UNC13A: variants seen among roughly 807,000 people sequenced by gnomAD.
UNC13A encodes unc-13 homolog A.
UNC13A carries 61 observed loss-of-function variants against 219.7 expected under a neutral mutation model. The observed-to-expected ratio is 0.28, with a 90% CI of 0.23 to 0.34. The LOEUF (loss-of-function observed/expected upper bound fraction) is 0.34. UNC13A is among the 10% of genes least tolerant of loss of function. The pLI is 1.00. For synonymous variants in UNC13A, 920 were observed against 884.6 expected, an observed-to-expected ratio of 1.04 and a Z score of -0.71; for missense variants, 1,476 against 2,270.3, an observed-to-expected ratio of 0.65 and a Z score of 7.11.
chr19:17,680,134 G>A (rs2145925742), intron 1 of UNC13A, among the ~76,000 whole-genome samples: 1 of 150,324 alleles, frequency 6.7e-6, no homozygotes, highest in Non-Finnish European at 1.5e-5. Context: ...GGGGATTCGG[G>A]AAGGGGGATG....
intron 1 of UNC13A, among the ~76,000 whole-genome samples, chr19:17,687,340 G>T (rs1030439135): frequency 6.6e-6 from 1 of 152,088 alleles, no homozygotes; most frequent in African/African-American, 2.4e-5. Flanking sequence ...CCTCTCTCCA[G>T]TGCAAAGTGG....
At chr19:17,669,409 C>T in intron 5 of UNC13A, 144 bp downstream of exon 5, 2 of 1,234,162 alleles carry the variant, frequency 1.6e-6, no homozygotes, top group Non-Finnish European at 1.1e-6. Flanking sequence ...CCAAGAAACT[C>T]TCTCTCCTCC....
Position 17,639,178 on chromosome 19 carries a change from C to T in UNC13A, c.2986G>A (p.Val996Ile). Residue 996 changes from valine (V) to isoleucine (I), a missense_variant, in exon 25 of 44, where the codon GTA becomes ATA. This residue lies in a region of UNC13A where 140 missense variants were observed against 270.9 expected (regional missense o/e 0.52). Coordinates refer to ENST00000519716, the MANE Select transcript of UNC13A (RefSeq NM_001080421.3). ...AGGCAGGCTTTCACACAGTCCTTTA[C>T]CACCTGGCTGGCTCGGGGCGGGCTC... ...LQSPPRASQV[V>I]KDCVKACLNS... is the part of the protein sequence containing the mutation. 1 of 1,614,016 alleles carries T rather than the reference C, an allele frequency of 6.2e-7. No individual in the cohort carries two copies. Among genetic ancestry groups the T allele is most frequent in the Non-Finnish European group, 8.5e-7 (1 of 1,179,938 alleles).
intron 8 of UNC13A, among the ~76,000 whole-genome samples, chr19:17,659,532 CCAAGG>C (rs1273356749): frequency 6.6e-6 from 1 of 152,082 alleles, no homozygotes; most frequent in Non-Finnish European, 1.5e-5. Context: ...CTTTGGGAGG[CCAAGG>C]CAGGAGGATC....
chr19:17,652,728 C>T, intron 11 of UNC13A, 51 bp from the exon 12 acceptor site: 1 of 1,609,258 alleles, frequency 6.2e-7, no homozygotes, highest in Non-Finnish European at 8.5e-7. Flanking sequence ...CTCCCCTCCC[C>T]AGAGCAGGCT....
At position 17,674,157 on chromosome 19, in the gene UNC13A, A is replaced by G. The variant is rs1019044789; in HGVS notation, c.152+500T>C. Among the ~76,000 whole-genome samples the G allele has an allele frequency of 6.6e-6, 1 of 151,504 alleles. No individual in the cohort carries two copies. Among genetic ancestry groups the G allele is most frequent in the Non-Finnish European group, 1.5e-5 (1 of 67,918 alleles). ...CCTGAAGGAGAAGAGCCAGCTGGGG[A>G]CAGGAGAGCAAGTGCAAGGGCCCTG... On this transcript the variant is annotated intron_variant, in intron 3 of 43. Coordinates refer to ENST00000519716, the MANE Select transcript of UNC13A (RefSeq NM_001080421.3). The surrounding 1 kb of genome is among the most constrained non-coding windows in gnomAD (Gnocchi z 5.0).
chr19:17,649,585 G>A lies in UNC13A; in HGVS notation c.1442C>T (p.Pro481Leu), dbSNP rs1403132574. 6.2e-7 allele frequency: 1 copy of A among 1,613,720 alleles called. No individual in the cohort carries two copies. Among genetic ancestry groups the A allele is most frequent in the African/African-American group, 1.3e-5 (1 of 74,880 alleles). Residue 481 changes from proline (P) to leucine (L), a missense_variant and splice_region_variant, in exon 13 of 44, where the codon CCA (proline) becomes CTA (leucine). Physicochemically the swap from Pro to Leu is moderately conservative, Grantham distance 98. Coordinates refer to ENST00000519716, the MANE Select transcript of UNC13A (RefSeq NM_001080421.3). This position sits in a 1 kb window ranked among gnomAD's most constrained non-coding sequence, Gnocchi z 4.4. ...GTCGATGATGATGAGACCGCCCCCT[G>A]GGCTGAAAGACACAGAGGGACACTG... ...MSKSLWFKGG[P>L]GGGLIIIDSM...
intron 41 of UNC13A, among the ~76,000 whole-genome samples, chr19:17,616,990 A>T (rs966662287): frequency 2.0e-5 from 3 of 152,130 alleles, no homozygotes; most frequent in Non-Finnish European, 4.4e-5. Context: ...GAAGCAAAAT[A>T]CAGAGAGAAA....
chr19:17,607,875 ACT>A (rs1491117907), intron 43 of UNC13A, among the ~76,000 whole-genome samples: 1 of 106,664 alleles, frequency 9.4e-6, no homozygotes, highest in Non-Finnish European at 1.9e-5. Context: ...CCGTGAACAG[ACT>A]TTTTTTTTTT....
At chr19:17,677,861 G>A (rs576622113) in intron 1 of UNC13A, among the ~76,000 whole-genome samples, 1 of 152,180 alleles carries the variant, frequency 6.6e-6, no homozygotes, top group Non-Finnish European at 1.5e-5. Flanking sequence ...TGTTCCACTG[G>A]AGATGGTCCA....
chr19:17,606,943 C>T (rs1281885036), intron 43 of UNC13A, among the ~76,000 whole-genome samples: 2 of 152,160 alleles, frequency 1.3e-5, no homozygotes, highest in African/African-American at 4.8e-5. Context: ...GTGACCTGCC[C>T]TGACGCCAGC....
chr19:17,644,397 C>A (rs772222602), intron 19 of UNC13A, among the ~76,000 whole-genome samples: 110 of 151,974 alleles, frequency 7.2e-4, no homozygotes, highest in Admixed American at 2.0e-3. Context: ...TTATGTTGCC[C>A]AGGCTGGTCT....
Position 17,658,204 on chromosome 19 carries a change from T to A in UNC13A, c.625A>T (p.Ile209Phe), listed in dbSNP as rs1170186106. Residue 209 changes from isoleucine (I) to phenylalanine (F), a missense_variant, in exon 9 of 44, where the codon ATC (isoleucine) becomes TTC (phenylalanine). Ile to Phe is a conservative substitution (Grantham distance 21, BLOSUM62 0). This residue lies in a region of UNC13A where 203 missense variants were observed against 301.6 expected (regional missense o/e 0.67). Transcript: ENST00000519716. The stretch of plus-strand genomic sequence containing the variant: ...GACGTAGTATAATAGGGCGGCGGGA[T>A]GCTGTTGCTCGTTTCACTGCGGTAG... The part of the protein sequence containing the change: ...SDYRSETSNS[I>F]PPPYYTTSQP... 6.2e-7 allele frequency: 1 copy of A among 1,613,818 alleles called. No individual in the cohort carries two copies. Among genetic ancestry groups the A allele is most frequent in the Non-Finnish European group, 8.5e-7 (1 of 1,179,872 alleles).
chr19:17,631,923 G>T (rs980723997), intron 28 of UNC13A, among the ~76,000 whole-genome samples: 29 of 151,588 alleles, frequency 1.9e-4, no homozygotes, highest in African/African-American at 4.9e-4. Context: ...TTTTTTCTTT[G>T]TTTTTGAGAC....
intron 41 of UNC13A, among the ~76,000 whole-genome samples, 168 bp downstream of exon 41, chr19:17,617,534 G>C (rs1028193872): frequency 3.9e-5 from 6 of 152,092 alleles, no homozygotes; most frequent in African/African-American, 1.4e-4. Context: ...CAGAGGCCCC[G>C]CCCCCATGAA....
Position 17,658,128 on chromosome 19 carries a change from C to G in UNC13A, c.701G>C (p.Gly234Ala). The G allele has an allele frequency of 8.7e-6, 14 of 1,613,816 alleles. No individual in the cohort carries two copies. Among genetic ancestry groups the G allele is most frequent in the Non-Finnish European group, 1.2e-5 (14 of 1,179,862 alleles). Residue 234 changes from glycine (G) to alanine (A), a missense_variant, in exon 9 of 44, where the codon GGC becomes GCC. Coordinates refer to ENST00000519716, the MANE Select transcript of UNC13A (RefSeq NM_001080421.3). ...GGAGTCACTGTAGGACTCCCGGGAG[C>G]CCAGGGGTGGTGGGCGAACAGAATA... ...HQYSVRPPPL[G>A]SRESYSDSMH...
chr19:17,628,003 C>T (rs2076801856), intron 31 of UNC13A, 63 bp from the exon 32 acceptor site: 7 of 1,483,844 alleles, frequency 4.7e-6, no homozygotes, highest in Middle Eastern at 1.7e-4. Context: ...CTCCCCTACC[C>T]ACCGCCAGGG....
Position 17,649,701 on chromosome 19 carries a change from A to G in UNC13A, c.1440-114T>C. 8.6e-7 allele frequency: 1 copy of G among 1,157,570 alleles called. No individual in the cohort carries two copies. The highest frequency in any genetic ancestry group is 1.3e-6 in the Non-Finnish European group (1 of 783,662). 71.7% of individuals were successfully genotyped at this position (1,157,570 alleles called of 1,614,324 possible). A position where few individuals can be genotyped will look rare whatever the true frequency, so the allele number is the denominator to read the frequency against. ...TAAGGGGTTGAATTGGGTCCCTCAAAAAAAAGATACGCTGATGCCCTAACC... is the reference window on the plus strand; with the variant it reads ...TAAGGGGTTGAATTGGGTCCCTCAAGAAAAAGATACGCTGATGCCCTAACC... On this transcript the variant is annotated intron_variant, in intron 12 of 43. Transcript: ENST00000519716. This position sits in a 1 kb window ranked among gnomAD's most constrained non-coding sequence, Gnocchi z 4.4.
At chr19:17,659,002 A>C (rs1036010537) in intron 8 of UNC13A, among the ~76,000 whole-genome samples, 7 of 152,180 alleles carry the variant, frequency 4.6e-5, no homozygotes, top group African/African-American at 1.7e-4. Context: ...TCCAATTCTA[A>C]AAGCAACATG....
Sources: gnomAD v4.1 joint callset for allele counts (sites outside exome capture counted in the v4.1 genomes callset) on GRCh38, gnomAD v4.1.1 for gene constraint, gnomAD v4.1.1 regional missense constraint, Gnocchi (gnomAD v3.1) non-coding constraint, MANE v1.5 for transcripts, NCBI Gene and HGNC (gene_info 2026-07-23, HGNC 2026-07-21) for gene names.